Variants in LRP1B observed in about 807,000 individuals in gnomAD.
LRP1B encodes LDL receptor related protein 1B.
LRP1B carries 217 observed loss-of-function variants against 556.6 expected under a neutral mutation model. The ratio of observed to expected loss-of-function variants is 0.39; its 90% CI spans 0.35 to 0.44. The LOEUF is 0.44. Ranked by LOEUF, LRP1B falls within the 20% of genes least tolerant of loss-of-function variation. LRP1B has a pLI of 1.00. For missense variants in LRP1B, 5,053 were observed against 5,620.8 expected (o/e 0.90, Z 3.23); for synonymous variants, 2,047 against 1,865.8 (o/e 1.10, Z -2.50).
intron 2 of LRP1B, among the ~76,000 whole-genome samples, chr2:141,529,909 G>A (rs930949287): frequency 1.3e-5 from 2 of 152,102 alleles, no homozygotes. Flanking sequence ...GTATATAGTG[G>A]TGACAACAAG....
At chr2:140,489,673 T>G (rs1036747212) in intron 57 of LRP1B, among the ~76,000 whole-genome samples, 1 of 152,064 alleles carries the variant, frequency 6.6e-6, no homozygotes, top group African/African-American at 2.4e-5. Flanking sequence ...CAACTGCTTT[T>G]CTCTCCAGAG....
At chr2:140,878,295 T>C (rs751472008) in intron 25 of LRP1B, among the ~76,000 whole-genome samples, 1 of 152,142 alleles carries the variant, frequency 6.6e-6, no homozygotes, top group Non-Finnish European at 1.5e-5. Flanking sequence ...AAAATTTCAA[T>C]ATTGGGGCCT....
intron 1 of LRP1B, among the ~76,000 whole-genome samples, chr2:141,906,350 C>T (rs115816035): frequency 0.01 from 1,569 of 151,688 alleles, 27 homozygotes; most frequent in African/African-American, 0.035. Flanking sequence ...CTTCTTTTTT[C>T]GTATATGCAA....
intron 58 of LRP1B, 51 bp from the exon 59 acceptor site, chr2:140,485,575 A>C: frequency 7.4e-7 from 1 of 1,346,402 alleles, no homozygotes; most frequent in South Asian, 1.4e-5. Flanking sequence ...TAAAATAAGA[A>C]GTGAGCAATT....
intron 2 of LRP1B, among the ~76,000 whole-genome samples, chr2:141,657,685 A>G (rs1690065244): frequency 6.6e-6 from 1 of 152,174 alleles, no homozygotes; most frequent in African/African-American, 2.4e-5. Context: ...AGGCTGTCCA[A>G]CAGTAGTGTT....
intron 2 of LRP1B, among the ~76,000 whole-genome samples, chr2:141,559,346 G>A (rs547940722): frequency 1.3e-5 from 2 of 151,604 alleles, no homozygotes; most frequent in Admixed American, 6.6e-5. Flanking sequence ...TATTTAGTTC[G>A]GTGGTGAATA....
At chr2:140,600,561 G>A (rs1390338486) in intron 42 of LRP1B, among the ~76,000 whole-genome samples, 1 of 151,572 alleles carries the variant, frequency 6.6e-6, no homozygotes, top group Non-Finnish European at 1.5e-5. Context: ...TCTTTTTTTT[G>A]TTTTAATCAC....
intron 84 of LRP1B, among the ~76,000 whole-genome samples, chr2:140,275,687 A>G (rs1373935510): frequency 6.6e-6 from 1 of 152,028 alleles, no homozygotes; most frequent in African/African-American, 2.4e-5. Flanking sequence ...ATGGGGAATA[A>G]TAACAGAAAT....
intron 6 of LRP1B, among the ~76,000 whole-genome samples, chr2:141,209,510 T>C (rs1172007604): frequency 6.6e-6 from 1 of 152,220 alleles, no homozygotes; most frequent in African/African-American, 2.4e-5. Context: ...GAGAACGGAC[T>C]AATCCAAGAG....
intron 1 of LRP1B, among the ~76,000 whole-genome samples, chr2:142,000,498 A>C (rs1355728685): frequency 6.6e-6 from 1 of 152,174 alleles, no homozygotes. Flanking sequence ...GAACTATACA[A>C]ATATCATGAG....
chr2:140,415,865 T>A (rs1685176107), intron 66 of LRP1B, among the ~76,000 whole-genome samples: 1 of 152,184 alleles, frequency 6.6e-6, no homozygotes. Flanking sequence ...TGATAGTTGG[T>A]CTTGGTCCAG....
chr2:140,779,928 A>C (rs1689639678), intron 32 of LRP1B, among the ~76,000 whole-genome samples: 1 of 152,018 alleles, frequency 6.6e-6, no homozygotes, highest in Non-Finnish European at 1.5e-5. Context: ...AACTGAACAA[A>C]GCCAGATGGC....
At chr2:142,053,213 A>C (rs1484644349) in intron 1 of LRP1B, among the ~76,000 whole-genome samples, 1 of 152,188 alleles carries the variant, frequency 6.6e-6, no homozygotes, top group African/African-American at 2.4e-5. Context: ...TTATTTAGCT[A>C]AACTGGGCCA....
chr2:140,823,104 G>T (rs1013927866), intron 31 of LRP1B, among the ~76,000 whole-genome samples: 2 of 152,128 alleles, frequency 1.3e-5, no homozygotes, highest in African/African-American at 4.8e-5. Context: ...AGACACAAAG[G>T]TGTGGCCTCA....
At chr2:141,074,573 C>CTG (rs1558842384) in intron 7 of LRP1B, among the ~76,000 whole-genome samples, 27 of 67,878 alleles carry the variant, frequency 4.0e-4, no homozygotes, top group Admixed American at 6.3e-4. Context: ...CTCTCTGTCT[C>CTG]TCTCTCTCTC....
At chr2:141,522,431 C>T (rs550616061) in intron 2 of LRP1B, among the ~76,000 whole-genome samples, 8 of 128,906 alleles carry the variant, frequency 6.2e-5, no homozygotes, top group Non-Finnish European at 1.4e-4. Context: ...AGAAGGGAAA[C>T]GTTGCCAATA....
chr2:141,477,079 C>T (rs7340300), intron 3 of LRP1B, among the ~76,000 whole-genome samples: 77,705 of 151,566 alleles, frequency 0.51, 20,159 homozygotes, highest in Non-Finnish European at 0.55. Flanking sequence ...GCCGAGATAG[C>T]GCCATTGCAC....
intron 1 of LRP1B, among the ~76,000 whole-genome samples, chr2:141,897,721 C>G (rs879060840): frequency 6.6e-6 from 1 of 152,120 alleles, no homozygotes; most frequent in Non-Finnish European, 1.5e-5. Flanking sequence ...AAGAAACTAA[C>G]CATCTGCTCA....
intron 41 of LRP1B, among the ~76,000 whole-genome samples, chr2:140,637,464 T>C (rs1684109961): frequency 6.6e-6 from 1 of 152,232 alleles, no homozygotes; most frequent in Non-Finnish European, 1.5e-5. Context: ...TAGAACTATC[T>C]AATGTGTATT....
Sources: allele counts gnomAD v4.1 joint callset (sites outside exome capture counted in the v4.1 genomes callset), GRCh38; gene constraint gnomAD v4.1.1; transcripts MANE v1.5; gene names NCBI Gene and HGNC (gene_info 2026-07-23, HGNC 2026-07-21).